PHACTR1: variants seen among roughly 807,000 people sequenced by gnomAD.
PHACTR1 encodes RPEL repeat containing 1.
Under a neutral mutation model 69.2 loss-of-function variants are expected in PHACTR1, and 16 were observed. The observed-to-expected ratio is 0.23, with a 90% CI of 0.16 to 0.35. PHACTR1 has a LOEUF of 0.35. PHACTR1 is among the 10% of genes least tolerant of loss of function. The pLI is 1.00. For synonymous variants in PHACTR1, 312 were observed against 284.5 expected (o/e 1.10, Z -0.97); for missense variants, 510 against 734.7 (o/e 0.69, Z 3.54).
chr6:12,941,491 C>A (rs565503501), intron 4 of PHACTR1, among the ~76,000 whole-genome samples: 112 of 152,206 alleles, frequency 7.4e-4, no homozygotes, highest in Middle Eastern at 6.8e-3. Flanking sequence ...GGTGGAGGGG[C>A]CTCATCACTC....
At chr6:13,250,819 G>T (rs571853803) in intron 10 of PHACTR1, among the ~76,000 whole-genome samples, 1 of 152,176 alleles carries the variant, frequency 6.6e-6, no homozygotes, top group Non-Finnish European at 1.5e-5. Flanking sequence ...CGCAAGACAG[G>T]TCTATCCTCA....
intron 4 of PHACTR1, among the ~76,000 whole-genome samples, chr6:12,820,802 G>T (rs900075306): frequency 1.3e-5 from 2 of 152,078 alleles, no homozygotes; most frequent in African/African-American, 4.8e-5. Flanking sequence ...ATTGAGAAAA[G>T]AAGCTGAGTT....
intron 4 of PHACTR1, among the ~76,000 whole-genome samples, chr6:12,943,577 A>G (rs1790275300): frequency 6.6e-6 from 1 of 152,244 alleles, no homozygotes; most frequent in South Asian, 2.1e-4. Flanking sequence ...AGTATGATCC[A>G]TGTGGCATTT....
intron 5 of PHACTR1, among the ~76,000 whole-genome samples, chr6:13,121,319 A>G (rs945045813): frequency 1.3e-5 from 2 of 152,106 alleles, no homozygotes; most frequent in East Asian, 1.9e-4. Context: ...CCAACTCCCA[A>G]TCCTGTCACT....
At chr6:12,845,472 GCTTTGCAGCATCAGA>G (rs145140995) in intron 4 of PHACTR1, among the ~76,000 whole-genome samples, 9,811 of 127,596 alleles carry the variant, frequency 0.077, 385 homozygotes, top group Middle Eastern at 0.18. Context: ...TCTTTCTGCT[GCTTTGCAGCATCAGA>G]TGGCAGCATT....
intron 4 of PHACTR1, among the ~76,000 whole-genome samples, chr6:12,851,427 A>G (rs973935194): frequency 3.3e-5 from 5 of 152,136 alleles, no homozygotes; most frequent in African/African-American, 1.2e-4. Flanking sequence ...ATCCAACAAT[A>G]CTCAGATTTT....
chr6:12,972,857 A>G (rs1266303298), intron 4 of PHACTR1, among the ~76,000 whole-genome samples: 2 of 151,942 alleles, frequency 1.3e-5, no homozygotes, highest in African/African-American at 4.8e-5. Context: ...CACCGTATTG[A>G]TCAGGCTGGT....
intron 5 of PHACTR1, among the ~76,000 whole-genome samples, chr6:13,111,282 AT>A (rs1332089458): frequency 6.6e-6 from 1 of 152,020 alleles, no homozygotes; most frequent in Non-Finnish European, 1.5e-5. Context: ...TGGATACTCA[AT>A]TTTTTTTAAA....
chr6:13,006,282 T>C (rs1339262254), intron 4 of PHACTR1, among the ~76,000 whole-genome samples: 3 of 152,228 alleles, frequency 2.0e-5, no homozygotes, highest in Non-Finnish European at 4.4e-5. Context: ...TAACCTTTCT[T>C]GGTTGTGTTT....
chr6:12,823,159 G>A (rs1400661031), intron 4 of PHACTR1, among the ~76,000 whole-genome samples: 2 of 152,200 alleles, frequency 1.3e-5, no homozygotes, highest in East Asian at 3.9e-4. Flanking sequence ...ACAGGGGCAA[G>A]TTACTTACAT....
chr6:12,906,199 T>C (rs1057089060), intron 4 of PHACTR1, among the ~76,000 whole-genome samples: 2 of 152,334 alleles, frequency 1.3e-5, no homozygotes, highest in African/African-American at 2.4e-5. Flanking sequence ...AATATATTAC[T>C]TCTTATGCTC....
At chr6:13,172,477 G>T (rs946095920) in intron 6 of PHACTR1, among the ~76,000 whole-genome samples, 1 of 152,186 alleles carries the variant, frequency 6.6e-6, no homozygotes, top group East Asian at 1.9e-4. Context: ...GAGGCTGAAG[G>T]CAGGGGAAGC....
intron 3 of PHACTR1, chr6:12,749,437 C>A: frequency 1.6e-6 from 1 of 636,052 alleles, no homozygotes; most frequent in Non-Finnish European, 3.0e-6. Context: ...TTTTCTTTCT[C>A]TCCCTTCACC....
At chr6:13,069,197 A>G (rs748195349) in intron 5 of PHACTR1, among the ~76,000 whole-genome samples, 3 of 152,190 alleles carry the variant, frequency 2.0e-5, no homozygotes, top group Non-Finnish European at 4.4e-5. Flanking sequence ...AAATTAATTA[A>G]TGGAGGTTGA....
rs540003921 is a variant in PHACTR1, at chr6:12,735,325, C to T, written c.104-14319C>T. On this transcript the variant is annotated intron_variant, in intron 3 of 14. Transcript: ENST00000332995. ...ATGACCTAACCTCAGAAGTGATATA[C>T]TATCACTTATAGCATATTCTTGTGG... is the stretch of plus-strand genomic sequence containing the variant. Among the ~76,000 whole-genome samples the T allele has an allele frequency of 2.6e-4, 39 of 152,260 alleles. 1 individual carries two copies. In the South Asian group the frequency reaches 8.1e-3, roughly 32 times the overall value.
chr6:12,853,849 A>G (rs1292003522), intron 4 of PHACTR1, among the ~76,000 whole-genome samples: 1 of 152,194 alleles, frequency 6.6e-6, no homozygotes. Context: ...ACGATTCAAG[A>G]TGAGATTTGG....
chr6:12,971,345 G>A (rs917986291), intron 4 of PHACTR1, among the ~76,000 whole-genome samples: 1 of 152,196 alleles, frequency 6.6e-6, no homozygotes, highest in Admixed American at 6.5e-5. Flanking sequence ...CCTGAAGGAT[G>A]CAAAGGTTGT....
intron 4 of PHACTR1, among the ~76,000 whole-genome samples, chr6:13,001,698 C>A (rs1318009132): frequency 2.0e-5 from 3 of 152,196 alleles, no homozygotes; most frequent in Non-Finnish European, 4.4e-5. Context: ...AATAGTGTGC[C>A]CCCCACTTTG....
At chr6:13,142,749 C>G (rs116469365) in intron 5 of PHACTR1, among the ~76,000 whole-genome samples, 1,626 of 152,000 alleles carry the variant, frequency 0.011, 18 homozygotes, top group Non-Finnish European at 0.019. Context: ...GATTCTATTC[C>G]ATTCATCTCT....
Sources: allele counts gnomAD v4.1 joint callset (sites outside exome capture counted in the v4.1 genomes callset), GRCh38; gene constraint gnomAD v4.1.1; transcripts MANE v1.5; gene names NCBI Gene and HGNC (gene_info 2026-07-23, HGNC 2026-07-21).